ZNF487: variants seen among roughly 807,000 people sequenced by gnomAD.
The protein encoded by ZNF487 is zinc finger protein 487.
Under a neutral mutation model 3.0 loss-of-function variants are expected in ZNF487, and 4 were observed. The ratio of observed to expected loss-of-function variants is 1.35; its 90% CI spans 0.66 to 3.08. The LOEUF (loss-of-function observed/expected upper bound fraction) is 3.08, where lower values mean the gene tolerates loss of function less well. Among genes scored for constraint, ZNF487 ranks in the 30% most tolerant of loss-of-function variants. ZNF487 has a pLI of 0.01. For missense variants in ZNF487, 146 were observed against 98.7 expected, an observed-to-expected ratio of 1.48 and a Z score of -2.03; for synonymous variants, 55 against 34.6, an observed-to-expected ratio of 1.59 and a Z score of -2.06.
Position 43,482,931 on chromosome 10 carries a change from G to A in ZNF487, c.*1009G>A, listed in dbSNP as rs763686598. The A allele has an allele frequency of 3.8e-6, 2 of 530,962 alleles. No individual in the cohort carries two copies. Among genetic ancestry groups the A allele is most frequent in the East Asian group, 5.5e-5 (1 of 18,240 alleles). The allele number at this position is 530,962 out of a possible 1,614,324, so 32.9% of individuals were successfully genotyped here. On this transcript the variant is annotated 3_prime_UTR_variant, in exon 4 of 4. Transcript: ENST00000437590. ...GAAACCCTATGCATGTAGTGAATGT[G>A]GGAAAACCTTCTACCAGAAGTCATC...
chr10:43,457,307 C>T (rs1589032280), intron 1 of ZNF487, among the ~76,000 whole-genome samples: 1 of 151,832 alleles, frequency 6.6e-6, no homozygotes, highest in East Asian at 1.9e-4. Context: ...CCTGTAATCC[C>T]GTCACTTTGG....
At chr10:43,495,450 G>T in the ZNF487 span, among the ~76,000 whole-genome samples, 1 of 152,026 alleles carries the variant, frequency 6.6e-6, no homozygotes, top group African/African-American at 2.4e-5. Context: ...CACCATGTTG[G>T]CCAGGCTGGT....
At chr10:43,436,868 G>A (rs1024889072), upstream of ZNF487, 8 of 468,124 alleles carry the variant, frequency 1.7e-5, no homozygotes, top group Non-Finnish European at 3.5e-5. Context: ...ACGCCCAGCC[G>A]CGGTCCCAGC....
chr10:43,502,522 T>TAA, the ZNF487 span, among the ~76,000 whole-genome samples: 1 of 148,562 alleles, frequency 6.7e-6, no homozygotes, highest in African/African-American at 2.4e-5. Flanking sequence ...TAAAGTATAA[T>TAA]AAAAAAAAAA....
chr10:43,498,100 T>TATATA, the ZNF487 span, among the ~76,000 whole-genome samples: 53 of 9,346 alleles, frequency 5.7e-3, 1 homozygote, highest in Admixed American at 0.011. Context: ...TATATATATA[T>TATATA]TTTTTTTTTT....
chr10:43,448,371 G>A (rs2493648), intron 1 of ZNF487, among the ~76,000 whole-genome samples: 99,942 of 151,852 alleles, frequency 0.66, 34,445 homozygotes, highest in Non-Finnish European at 0.76. Context: ...TACTCAATTC[G>A]TCTTGCGCTG....
At chr10:43,499,756 A>G in the ZNF487 span, among the ~76,000 whole-genome samples, 1 of 152,112 alleles carries the variant, frequency 6.6e-6, no homozygotes, top group Non-Finnish European at 1.5e-5. Context: ...GTCTCAAAAA[A>G]AAAAAGAAAA....
chr10:43,474,999 CT>C (rs1280935975), intron 1 of ZNF487, among the ~76,000 whole-genome samples: 8 of 152,176 alleles, frequency 5.3e-5, no homozygotes, highest in African/African-American at 1.9e-4. Flanking sequence ...CTCCTCCCCC[CT>C]GTACAAGGCG....
intron 1 of ZNF487, among the ~76,000 whole-genome samples, chr10:43,441,138 C>T (rs1839592354): frequency 7.0e-6 from 1 of 142,216 alleles, no homozygotes; most frequent in South Asian, 2.3e-4. Context: ...ATCCTTCCAC[C>T]TCAGCCTCTC....
chr10:43,462,005 C>T (rs1465556654), intron 1 of ZNF487, among the ~76,000 whole-genome samples: 1 of 152,204 alleles, frequency 6.6e-6, no homozygotes, highest in African/African-American at 2.4e-5. Flanking sequence ...GTCTCTTTAT[C>T]TCCAAGGTTG....
chr10:43,443,183 C>T (rs1205980983), intron 1 of ZNF487, among the ~76,000 whole-genome samples: 1 of 151,376 alleles, frequency 6.6e-6, no homozygotes, highest in East Asian at 1.9e-4. Flanking sequence ...CTGCCTCAGC[C>T]TCCCGAGTAG....
chr10:43,449,803 C>A (rs1262405084), intron 1 of ZNF487, among the ~76,000 whole-genome samples: 1 of 151,694 alleles, frequency 6.6e-6, no homozygotes, highest in Non-Finnish European at 1.5e-5. Context: ...CCTCAGCCTC[C>A]CAAGTAGCTC....
intron 1 of ZNF487, among the ~76,000 whole-genome samples, chr10:43,460,304 TA>T (rs1389522988): frequency 1.3e-5 from 2 of 152,114 alleles, no homozygotes; most frequent in East Asian, 3.8e-4. Context: ...TTTATCCTTT[TA>T]AAATATATTC....
the ZNF487 span, among the ~76,000 whole-genome samples, chr10:43,502,393 G>GAT: frequency 2.6e-5 from 4 of 151,956 alleles, no homozygotes; most frequent in African/African-American, 9.7e-5. Flanking sequence ...GGGGTGGGGG[G>GAT]GGATAGCATC....
intron 3 of ZNF487, among the ~76,000 whole-genome samples, chr10:43,478,725 C>T (rs933881663): frequency 6.6e-6 from 1 of 151,778 alleles, no homozygotes; most frequent in Admixed American, 6.6e-5. Context: ...TCTGTAAAAA[C>T]AAAACAAAAA....
intron 1 of ZNF487, among the ~76,000 whole-genome samples, chr10:43,471,743 G>C (rs541151722): frequency 6.6e-6 from 1 of 152,272 alleles, no homozygotes; most frequent in East Asian, 1.9e-4. Context: ...AAGTCAAACT[G>C]TCTCCCCCTC....
rs60565599 is a variant in ZNF487 at position 43,465,549 on chromosome 10, G to A, written c.-93-10172G>A. Among the ~76,000 whole-genome samples the A allele has an allele frequency of 6.1e-3, 925 of 152,040 alleles. 21 individuals carry two copies. Among genetic ancestry groups the A allele is most frequent in the East Asian group, 0.05 (257 of 5,132 alleles). ...CAGAGGCGCTCCTCACATCCCTGAC[G>A]GGGCGGCGGGGCAGAGGTGCTCCCC... is the stretch of plus-strand genomic sequence containing the variant. On this transcript the variant is annotated intron_variant, in intron 1 of 3. Coordinates refer to ENST00000437590, the MANE Select transcript of ZNF487 (RefSeq NM_001355444.3).
chr10:43,485,639 C>T (rs1381578455), downstream of ZNF487, among the ~76,000 whole-genome samples: 2 of 152,150 alleles, frequency 1.3e-5, no homozygotes, highest in East Asian at 3.8e-4. Flanking sequence ...ATATTGTAGT[C>T]TAGTGTGGTA....
At chr10:43,480,693 G>A (rs1374349819) in intron 3 of ZNF487, among the ~76,000 whole-genome samples, 1 of 150,040 alleles carries the variant, frequency 6.7e-6, no homozygotes, top group African/African-American at 2.4e-5. Flanking sequence ...TGGGATTACA[G>A]GCGTGAGCCA....
Sources: gnomAD v4.1 joint callset for allele counts (sites outside exome capture counted in the v4.1 genomes callset) on GRCh38, gnomAD v4.1.1 for gene constraint, MANE v1.5 for transcripts, NCBI Gene and HGNC (gene_info 2026-07-23, HGNC 2026-07-21) for gene names.